Variants in SLX4IP observed in about 807,000 individuals in gnomAD.
The protein encoded by SLX4IP is protein SLX4IP.
Under a neutral mutation model 32.9 loss-of-function variants are expected in SLX4IP, and 34 were observed. That is an observed-to-expected ratio of 1.03 (90% confidence interval 0.79 to 1.38). The LOEUF (loss-of-function observed/expected upper bound fraction) is 1.38. Ranked by LOEUF, SLX4IP falls within the 40% of genes most tolerant of loss-of-function variation. The probability of loss-of-function intolerance (pLI) is 0.00; values close to 1 mark genes in which losing one functional copy is unlikely to be tolerated. For missense variants in SLX4IP, 444 were observed against 479.0 expected (o/e 0.93, Z 0.68); for synonymous variants, 172 against 171.7 (o/e 1.00, Z -0.01).
chr20:10,488,118 G>A (rs920795860), intron 2 of SLX4IP, among the ~76,000 whole-genome samples: 3 of 152,104 alleles, frequency 2.0e-5, no homozygotes, highest in South Asian at 2.1e-4. Context: ...TCCTTATTAT[G>A]GGTTGAAATA....
chr20:10,462,463 A>G (rs572128688), intron 2 of SLX4IP, among the ~76,000 whole-genome samples: 49 of 152,360 alleles, frequency 3.2e-4, no homozygotes, highest in African/African-American at 1.1e-3. Flanking sequence ...ATCAAGAATC[A>G]GAACACCCTT....
chr20:10,513,852 G>T (rs566513950), intron 2 of SLX4IP, among the ~76,000 whole-genome samples: 1 of 152,330 alleles, frequency 6.6e-6, no homozygotes, highest in African/African-American at 2.4e-5. Flanking sequence ...GAGGACAGTG[G>T]AGGGAGAGTG....
At chr20:10,571,157 G>A (rs915597910) in intron 4 of SLX4IP, among the ~76,000 whole-genome samples, 1 of 152,154 alleles carries the variant, frequency 6.6e-6, no homozygotes, top group Non-Finnish European at 1.5e-5. Flanking sequence ...TTATTGGGCA[G>A]CATAAAAGTG....
intron 4 of SLX4IP, among the ~76,000 whole-genome samples, chr20:10,598,139 G>C (rs981713721): frequency 4.6e-5 from 7 of 152,190 alleles, no homozygotes. Context: ...TACAGTTGAA[G>C]TAACTGAGGG....
intron 2 of SLX4IP, among the ~76,000 whole-genome samples, chr20:10,517,051 ATG>A (rs67594620): frequency 6.6e-6 from 1 of 152,220 alleles, no homozygotes; most frequent in Non-Finnish European, 1.5e-5. Context: ...GGGAGGAACT[ATG>A]TATGAACATT....
intron 1 of SLX4IP, among the ~76,000 whole-genome samples, chr20:10,443,338 A>G (rs1401000282): frequency 6.6e-6 from 1 of 152,220 alleles, no homozygotes; most frequent in Non-Finnish European, 1.5e-5. Flanking sequence ...GAGGAGATGA[A>G]TGGACCCTGT....
intron 6 of SLX4IP, among the ~76,000 whole-genome samples, chr20:10,612,697 G>A (rs543581563): frequency 4.2e-4 from 64 of 152,010 alleles, no homozygotes; most frequent in African/African-American, 1.5e-3. Context: ...GCACCACCAC[G>A]CCCGGCTAAT....
intron 6 of SLX4IP, among the ~76,000 whole-genome samples, chr20:10,611,829 T>C (rs1304883611): frequency 6.6e-6 from 1 of 152,196 alleles, no homozygotes; most frequent in Non-Finnish European, 1.5e-5. Flanking sequence ...TGTCCAAATA[T>C]CACAGTCAGG....
At chr20:10,448,692 C>A (rs1342107842) in intron 1 of SLX4IP, among the ~76,000 whole-genome samples, 1 of 152,190 alleles carries the variant, frequency 6.6e-6, no homozygotes, top group African/African-American at 2.4e-5. Context: ...AGGCAGACGA[C>A]CCCGCTGGCC....
At chr20:10,567,571 T>C (rs79267453) in intron 4 of SLX4IP, among the ~76,000 whole-genome samples, 3,643 of 152,280 alleles carry the variant, frequency 0.024, 62 homozygotes, top group Non-Finnish European at 0.037. Context: ...TAAATTTCTA[T>C]TCTTTATTCT....
At chr20:10,496,839 T>C (rs1040544508) in intron 2 of SLX4IP, among the ~76,000 whole-genome samples, 13 of 152,212 alleles carry the variant, frequency 8.5e-5, no homozygotes, top group African/African-American at 3.1e-4. Flanking sequence ...TCATATCATC[T>C]ACAGTATCTC....
chr20:10,437,045 A>G (rs1200917719), intron 1 of SLX4IP, among the ~76,000 whole-genome samples: 1 of 151,908 alleles, frequency 6.6e-6, no homozygotes, highest in East Asian at 1.9e-4. Flanking sequence ...TTCAATACTG[A>G]CTTGGAAAAC....
At chr20:10,593,102 G>A (rs1039929588) in intron 4 of SLX4IP, among the ~76,000 whole-genome samples, 9 of 152,114 alleles carry the variant, frequency 5.9e-5, no homozygotes, top group South Asian at 2.1e-4. Flanking sequence ...CTGAACTGGC[G>A]TGCAATGCAG....
At chr20:10,529,712 G>A (rs560431513) in intron 2 of SLX4IP, among the ~76,000 whole-genome samples, 69 of 149,804 alleles carry the variant, frequency 4.6e-4, no homozygotes, top group Middle Eastern at 3.6e-3. Context: ...CAAAATCATT[G>A]AAGGTTCAAG....
At chr20:10,622,604 G>A in intron 7 of SLX4IP, 55 bp from the exon 8 acceptor site, 3 of 1,534,892 alleles carry the variant, frequency 2.0e-6, no homozygotes, top group Non-Finnish European at 2.6e-6. Flanking sequence ...GGAATCTGGA[G>A]GAAACAGTGC....
At chr20:10,489,025 T>G (rs554756530) in intron 2 of SLX4IP, among the ~76,000 whole-genome samples, 26 of 152,302 alleles carry the variant, frequency 1.7e-4, no homozygotes, top group South Asian at 1.4e-3. Flanking sequence ...ATTTGTAGAA[T>G]GATTTCTTTT....
chr20:10,562,741 A>G, intron 4 of SLX4IP, among the ~76,000 whole-genome samples: 1 of 151,944 alleles, frequency 6.6e-6, no homozygotes, highest in South Asian at 2.1e-4. Context: ...TTATTTATTT[A>G]TTTTTTTGTA....
Position 10,487,847 on chromosome 20 carries a change from G to A in SLX4IP, c.27+29616G>A, listed in dbSNP as rs547502426. Among the ~76,000 whole-genome samples the A allele has an allele frequency of 2.0e-5, 3 of 152,274 alleles. No individual in the cohort carries two copies. The South Asian group carries it at 6.2e-4, about 32-fold the overall frequency. On this transcript the variant is annotated intron_variant, in intron 2 of 7. Transcript: ENST00000334534. ...CAGGCATATTGCAGAAATATTTCAG[G>A]CATTTTTGTGAGGGAGGAAGTTAGG...
intron 2 of SLX4IP, among the ~76,000 whole-genome samples, chr20:10,464,770 A>G (rs1429581693): frequency 1.8e-5 from 2 of 113,192 alleles, no homozygotes; most frequent in Non-Finnish European, 4.5e-5. Context: ...CTGCATATGA[A>G]TACTTTTTTT....
Sources: allele counts gnomAD v4.1 joint callset (sites outside exome capture counted in the v4.1 genomes callset), GRCh38; gene constraint gnomAD v4.1.1; transcripts MANE v1.5; gene names NCBI Gene and HGNC (gene_info 2026-07-23, HGNC 2026-07-21).